Variants in KDM4C observed in about 807,000 individuals in gnomAD.
KDM4C encodes the protein lysine-specific demethylase 4C.
Under a neutral mutation model 129.3 loss-of-function variants are expected in KDM4C, and 81 were observed. The ratio of observed to expected loss-of-function variants is 0.63; its 90% CI spans 0.52 to 0.75. The LOEUF is 0.75. Among genes scored for constraint, KDM4C ranks in the 30% least tolerant of loss-of-function variants. KDM4C has a pLI of 0.00. For synonymous variants in KDM4C, 573 were observed against 456.1 expected (o/e 1.26, Z -3.26); for missense variants, 1,457 against 1,304.0 (o/e 1.12, Z -1.81).
At chr9:7,006,063 G>A (rs533830957) in intron 12 of KDM4C, among the ~76,000 whole-genome samples, 1 of 152,238 alleles carries the variant, frequency 6.6e-6, no homozygotes, top group South Asian at 2.1e-4. Flanking sequence ...AAAAAGCAAC[G>A]AAAAATAATC....
chr9:7,016,119 G>T (rs922233266), intron 15 of KDM4C, among the ~76,000 whole-genome samples, 190 bp downstream of exon 15: 1 of 151,314 alleles, frequency 6.6e-6, no homozygotes, highest in African/African-American at 2.4e-5. Context: ...GAAATATTAG[G>T]TAAATTTATT....
intron 8 of KDM4C, among the ~76,000 whole-genome samples, chr9:6,911,008 A>G (rs1819197980): frequency 6.6e-6 from 1 of 152,244 alleles, no homozygotes; most frequent in South Asian, 2.1e-4. Flanking sequence ...ATTACAAATT[A>G]TAGAAAGATG....
chr9:7,023,145 A>G (rs769798325), intron 15 of KDM4C, among the ~76,000 whole-genome samples: 1 of 152,134 alleles, frequency 6.6e-6, no homozygotes, highest in Non-Finnish European at 1.5e-5. Context: ...TCAGGGTAAT[A>G]CTGGCCTCAC....
intron 8 of KDM4C, among the ~76,000 whole-genome samples, chr9:6,970,124 A>G (rs1381769754): frequency 6.6e-6 from 1 of 152,206 alleles, no homozygotes; most frequent in East Asian, 1.9e-4. Context: ...TTTAGTCAGA[A>G]AGCATCCTAA....
At chr9:6,760,381 T>C (rs922245678) in intron 1 of KDM4C, among the ~76,000 whole-genome samples, 1 of 151,792 alleles carries the variant, frequency 6.6e-6, no homozygotes, top group Non-Finnish European at 1.5e-5. Flanking sequence ...TGCTTTTGGC[T>C]GAGTAATGCT....
intron 4 of KDM4C, among the ~76,000 whole-genome samples, chr9:6,831,499 C>T (rs775426149): frequency 2.0e-5 from 3 of 152,140 alleles, no homozygotes; most frequent in African/African-American, 7.2e-5. Flanking sequence ...TGTGCCACCA[C>T]GCCCAGCTAA....
intron 1 of KDM4C, among the ~76,000 whole-genome samples, chr9:6,744,213 C>T (rs922615230): frequency 2.0e-5 from 3 of 152,150 alleles, no homozygotes; most frequent in Non-Finnish European, 4.4e-5. Flanking sequence ...ATCTAATTCA[C>T]ATGTGATCTC....
At chr9:6,857,842 C>T (rs780999717) in intron 5 of KDM4C, among the ~76,000 whole-genome samples, 3 of 150,982 alleles carry the variant, frequency 2.0e-5, no homozygotes, top group Non-Finnish European at 4.4e-5. Flanking sequence ...GCAACCTCTG[C>T]CTCCCGGGCT....
At chr9:6,816,479 C>T (rs1314777241) in intron 4 of KDM4C, among the ~76,000 whole-genome samples, 1 of 152,184 alleles carries the variant, frequency 6.6e-6, no homozygotes, top group Non-Finnish European at 1.5e-5. Flanking sequence ...AACAGTACAG[C>T]TCAGTGTGGC....
At chr9:6,950,983 C>T (rs1201206581) in intron 8 of KDM4C, among the ~76,000 whole-genome samples, 1 of 152,140 alleles carries the variant, frequency 6.6e-6, no homozygotes, top group African/African-American at 2.4e-5. Flanking sequence ...TCTTTGCCAT[C>T]TCTGAAGGGA....
intron 1 of KDM4C, among the ~76,000 whole-genome samples, chr9:6,777,267 C>G (rs907007568): frequency 1.3e-5 from 2 of 152,204 alleles, no homozygotes; most frequent in African/African-American, 4.8e-5. Flanking sequence ...CCAAAGCTCT[C>G]TACTCCTTTC....
intron 8 of KDM4C, among the ~76,000 whole-genome samples, chr9:6,904,991 A>G (rs572191681): frequency 1.3e-5 from 2 of 152,228 alleles, no homozygotes; most frequent in African/African-American, 2.4e-5. Flanking sequence ...CAGCACAACA[A>G]AATGCTAACT....
chr9:6,724,216 C>G (rs1817052473), intron 1 of KDM4C, among the ~76,000 whole-genome samples: 1 of 152,180 alleles, frequency 6.6e-6, no homozygotes, highest in African/African-American at 2.4e-5. Flanking sequence ...TGGTGACTGA[C>G]AGTTACACTG....
chr9:6,733,625 C>G (rs1355186036), intron 1 of KDM4C, among the ~76,000 whole-genome samples: 1 of 152,194 alleles, frequency 6.6e-6, no homozygotes, highest in Admixed American at 6.5e-5. Context: ...GGGTCCCGAT[C>G]CAGACCCCAA....
chr9:6,933,591 A>C (rs1431730796), intron 8 of KDM4C, among the ~76,000 whole-genome samples: 1 of 152,246 alleles, frequency 6.6e-6, no homozygotes, highest in Non-Finnish European at 1.5e-5. Flanking sequence ...TGTAATAATT[A>C]ACTTTAAAAG....
intron 3 of KDM4C, among the ~76,000 whole-genome samples, chr9:6,811,566 C>T (rs1274499823): frequency 2.0e-5 from 3 of 152,214 alleles, no homozygotes; most frequent in South Asian, 2.1e-4. Flanking sequence ...TAGAGATTTC[C>T]GATATAACTC....
At chr9:7,079,497 T>G (rs1834289588) in intron 17 of KDM4C, among the ~76,000 whole-genome samples, 1 of 152,180 alleles carries the variant, frequency 6.6e-6, no homozygotes, top group Non-Finnish European at 1.5e-5. Flanking sequence ...TAATATTTTA[T>G]TTTTAGTGGA....
At chr9:7,009,972 A>G (rs1260842699) in intron 12 of KDM4C, among the ~76,000 whole-genome samples, 2 of 152,260 alleles carry the variant, frequency 1.3e-5, no homozygotes, top group Non-Finnish European at 2.9e-5. Flanking sequence ...CATAAAATAT[A>G]TGCAGATACA....
intron 8 of KDM4C, among the ~76,000 whole-genome samples, chr9:6,901,366 C>G (rs1234297608): frequency 6.6e-6 from 1 of 152,182 alleles, no homozygotes; most frequent in Non-Finnish European, 1.5e-5. Context: ...CAAAAGGGCT[C>G]TTACCTCACA....
Sources: gnomAD v4.1 joint callset for allele counts (sites outside exome capture counted in the v4.1 genomes callset) on GRCh38, gnomAD v4.1.1 for gene constraint, MANE v1.5 for transcripts, NCBI Gene and HGNC (gene_info 2026-07-23, HGNC 2026-07-21) for gene names.